The following AMOTL2 variants were observed in gnomAD, a reference collection of about 807,000 sequenced individuals.
The protein encoded by AMOTL2 is angiomotin like 2.
A neutral mutation model predicts 78.4 loss-of-function variants in AMOTL2; 33 were observed. That is an observed-to-expected ratio of 0.42 (90% confidence interval 0.32 to 0.56). The LOEUF (loss-of-function observed/expected upper bound fraction) is 0.56, where lower values mean the gene tolerates loss of function less well. Ranked by LOEUF, AMOTL2 falls within the 20% of genes least tolerant of loss-of-function variation. AMOTL2 has a pLI of 0.12. For missense variants in AMOTL2, 983 were observed against 1,030.1 expected (o/e 0.95, Z 0.63); for synonymous variants, 422 against 428.8 (o/e 0.98, Z 0.20).
intron 6 of AMOTL2, among the ~76,000 whole-genome samples, chr3:134,361,298 C>A (rs2017349030): frequency 6.6e-6 from 1 of 152,212 alleles, no homozygotes; most frequent in South Asian, 2.1e-4. Flanking sequence ...GGCCAGGTGG[C>A]AGGGCCTCTA....
At position 134,366,264 on chromosome 3, in the gene AMOTL2, C is replaced by T. The variant is rs752532927; in HGVS notation, c.1186+19G>A. ...TCTGCAGAGGTTCTCCAACCTCCACCTGTGTGACTGGCTCTCACCTCTAAG... is the reference window on the plus strand; with the variant it reads ...TCTGCAGAGGTTCTCCAACCTCCACTTGTGTGACTGGCTCTCACCTCTAAG... On this transcript the variant is annotated intron_variant, in intron 4 of 9. Transcript: ENST00000249883. 6.2e-7 allele frequency: 1 copy of T among 1,612,800 alleles called. No homozygotes were observed.
intron 9 of AMOTL2, among the ~76,000 whole-genome samples, chr3:134,358,327 GTTTCCAAT>G (rs1009841251): frequency 9.2e-5 from 14 of 152,314 alleles, no homozygotes; most frequent in African/African-American, 3.1e-4. Flanking sequence ...TCTAATCAGG[GTTTCCAAT>G]TTCCCTATTC....
chr3:134,363,270 C>T (rs1224820480), intron 5 of AMOTL2, among the ~76,000 whole-genome samples: 1 of 152,098 alleles, frequency 6.6e-6, no homozygotes, highest in African/African-American at 2.4e-5. Flanking sequence ...GAAGGCTGAG[C>T]CCAGGATGGT....
In AMOTL2 at chr3:134,356,198, G is replaced by A. The variant is rs957410933; in HGVS notation, c.*1507C>T. The A allele has an allele frequency of 1.4e-4, 21 of 152,314 alleles. No homozygotes were observed. Among genetic ancestry groups the A allele is most frequent in the African/African-American group, 5.1e-4 (21 of 41,294 alleles). The allele number at this position is 152,314 out of a possible 1,614,324, so 9.4% of individuals were successfully genotyped here. On this transcript the variant is annotated 3_prime_UTR_variant, in exon 10 of 10. Coordinates refer to ENST00000249883, the MANE Select transcript of AMOTL2 (RefSeq NM_016201.4). ...AAATGTATTTTTCAGCTTTAAACAG[G>A]GGTAGGGGAATTTTTTAAAAAAAAT...
intron 1 of AMOTL2, chr3:134,373,685 C>G (rs1327626512): frequency 1.0e-6 from 1 of 985,352 alleles, no homozygotes; most frequent in Non-Finnish European, 1.2e-6. Flanking sequence ...CCCGGGCGGA[C>G]CTGGAGCACC....
chr3:134,359,201 C>G (rs2017224388), intron 8 of AMOTL2, 82 bp downstream of exon 8: 1 of 1,497,110 alleles, frequency 6.7e-7, no homozygotes, highest in African/African-American at 1.4e-5. Flanking sequence ...AGCCTCAGTT[C>G]TGGGAGGAAA....
intron 8 of AMOTL2, 122 bp downstream of exon 8, chr3:134,359,161 G>A: frequency 9.1e-7 from 1 of 1,093,264 alleles, no homozygotes; most frequent in Non-Finnish European, 1.4e-6. Flanking sequence ...CAGCTCCCCT[G>A]GAAGAGGGTC....
chr3:134,359,930 C>A (rs1159116575), intron 7 of AMOTL2, among the ~76,000 whole-genome samples, 176 bp downstream of exon 7: 1 of 152,186 alleles, frequency 6.6e-6, no homozygotes, highest in Non-Finnish European at 1.5e-5. Context: ...TATTTCTGGG[C>A]AAATGCATGT....
upstream of AMOTL2, chr3:134,375,370 C>T: frequency 2.3e-6 from 2 of 887,268 alleles, no homozygotes; most frequent in Non-Finnish European, 3.6e-6. Flanking sequence ...ATGAGGACAC[C>T]AGGGCTCAGA....
intron 7 of AMOTL2, 67 bp from the exon 8 acceptor site, chr3:134,359,570 C>T: frequency 7.3e-7 from 1 of 1,363,598 alleles, no homozygotes; most frequent in South Asian, 1.3e-5. Flanking sequence ...CCCTTCCTGC[C>T]TCATAGGAGT....
In AMOTL2 at chr3:134,370,745, C is replaced by T. The variant is rs569311001; in HGVS notation, c.689G>A (p.Arg230Gln). Residue 230 changes from arginine to glutamine, a missense_variant, in exon 2 of 10, where the codon CGG (arginine) becomes CAG (glutamine). Arg to Gln is a conservative substitution (Grantham distance 43). Transcript: ENST00000249883. ...GTGCGGGCTGCCGCGGGCACGGTAC[C>T]GTGGGTCAGTGACAGCAGTGGTGGT... ...HETTTAVTDP[R>Q]YRARGSPHFQ... The T allele has an allele frequency of 1.0e-4, 156 of 1,515,086 alleles. 1 individual carries two copies. Among genetic ancestry groups the T allele is most frequent in the Middle Eastern group, 3.6e-4 (2 of 5,582 alleles). The allele number at this position is 1,515,086 out of a possible 1,614,324, so 93.9% of individuals were successfully genotyped here. A position where few individuals can be genotyped will look rare whatever the true frequency, so the allele number is the denominator to read the frequency against.
At chr3:134,359,594 C>CG in intron 7 of AMOTL2, 91 bp from the exon 8 acceptor site, 1 of 1,021,710 alleles carries the variant, frequency 9.8e-7, no homozygotes. Flanking sequence ...AGGAAAAGCC[C>CG]CCCCCAACTC....
chr3:134,358,415 G>T, intron 9 of AMOTL2, 125 bp downstream of exon 9: 1 of 1,196,308 alleles, frequency 8.4e-7, no homozygotes, highest in Non-Finnish European at 1.1e-6. Context: ...GGCTATGCAC[G>T]GCTCCCCATG....
intron 1 of AMOTL2, 161 bp downstream of exon 1, chr3:134,374,181 C>T: frequency 1.1e-6 from 1 of 946,616 alleles, no homozygotes; most frequent in Non-Finnish European, 1.3e-6. Context: ...CCTTGCCAGG[C>T]ACTGCGGCTG....
At position 134,365,291 on chromosome 3, in the gene AMOTL2, C is replaced by T. The variant is rs571707129; in HGVS notation, c.1279+526G>A. Among the ~76,000 whole-genome samples, 9 of 152,296 alleles carry T rather than the reference C, an allele frequency of 5.9e-5. No homozygotes were observed. The South Asian group carries it at 6.2e-4, about 11-fold the overall frequency. The stretch of plus-strand genomic sequence containing the variant: ...GCCCATTCTTCAAGGATGCTTAGAC[C>T]GCCCCGTTTAGAATGCATCTGTTGG... On this transcript the variant is annotated intron_variant, in intron 5 of 9. Coordinates refer to ENST00000249883, the MANE Select transcript of AMOTL2 (RefSeq NM_016201.4).
chr3:134,366,383 C>T lies in AMOTL2; in HGVS notation c.1086G>A (p.Leu362=). 1 of 1,614,058 alleles carries T rather than the reference C, an allele frequency of 6.2e-7. No homozygotes were observed. Among genetic ancestry groups the T allele is most frequent in the Non-Finnish European group, 8.5e-7 (1 of 1,180,032 alleles). The change falls in exon 4 of 10, where the codon CTG becomes CTA. Residue 362 remains leucine, a synonymous_variant. Coordinates refer to ENST00000249883, the MANE Select transcript of AMOTL2 (RefSeq NM_016201.4). ...IQRLSEAHES[L]TRASSKREAL... is the part of the protein sequence containing the mutation. ...CCTCACGCTTGGAGGAGGCTCTGGTCAGGCTCTCATGGGCCTCAGAGAGCC... is the reference window on the plus strand; with the variant it reads ...CCTCACGCTTGGAGGAGGCTCTGGTTAGGCTCTCATGGGCCTCAGAGAGCC...
rs1423869807 is a variant in AMOTL2, at chr3:134,359,412, G to A, written c.1975C>T (p.Gln659Ter). 1 of 1,614,060 alleles carries A rather than the reference G, an allele frequency of 6.2e-7. No homozygotes were observed. The highest frequency in any genetic ancestry group is 1.3e-5 in the African/African-American group (1 of 74,938). The change falls in exon 8 of 10, where the codon CAG (glutamine) becomes TAG (stop). Residue 659 changes from glutamine (Q) to a stop codon, truncating the protein, a stop_gained. Coordinates refer to ENST00000249883, the MANE Select transcript of AMOTL2 (RefSeq NM_016201.4). LOFTEE classifies it high-confidence loss of function. ...GACTTGGCAGGCCGCAGGGAGCCCT[G>A]GATGGCCTTGCCAGGGTCTCTCCTG... ...RSRRDPGKAI[Q>*]GSLRPAKSVP...
upstream of AMOTL2, chr3:134,374,947 A>C: frequency 1.5e-6 from 2 of 1,314,326 alleles, no homozygotes; most frequent in Non-Finnish European, 9.7e-7. Flanking sequence ...GTACCGGGGG[A>C]GGTGGGAAAG....
intron 1 of AMOTL2, chr3:134,373,530 C>T: frequency 1.0e-6 from 1 of 985,664 alleles, no homozygotes; most frequent in Non-Finnish European, 1.2e-6. Flanking sequence ...GCTGCACTCG[C>T]CCGCTGCGCT....
Sources: allele counts gnomAD v4.1 joint callset (sites outside exome capture counted in the v4.1 genomes callset), GRCh38; gene constraint gnomAD v4.1.1; transcripts MANE v1.5; gene names NCBI Gene and HGNC (gene_info 2026-07-23, HGNC 2026-07-21).